Variants in SLC66A2 observed in about 807,000 individuals in gnomAD.
SLC66A2 encodes the protein solute carrier family 66 member 2, also known as PQ loop repeat containing 1.
In SLC66A2, 23 loss-of-function variants were observed where a neutral mutation model predicts 25.5. That is an observed-to-expected ratio of 0.90 (90% CI 0.65 to 1.28). The LOEUF (loss-of-function observed/expected upper bound fraction) is 1.28. Ranked by LOEUF, SLC66A2 falls within the 50% of genes most tolerant of loss-of-function variation. The probability of loss-of-function intolerance (pLI) is 0.00; values close to 1 mark genes in which losing one functional copy is unlikely to be tolerated. For missense variants in SLC66A2, 396 were observed against 373.1 expected, an observed-to-expected ratio of 1.06 and a Z score of -0.51; for synonymous variants, 193 against 166.5, an observed-to-expected ratio of 1.16 and a Z score of -1.23.
chr18:79,943,093 T>C (rs1987831238), intron 3 of SLC66A2, among the ~76,000 whole-genome samples: 1 of 152,228 alleles, frequency 6.6e-6, no homozygotes, highest in African/African-American at 2.4e-5. Context: ...CGTGAAGATG[T>C]GTTGAGGCCT....
chr18:79,914,919 T>C (rs1367599342), intron 5 of SLC66A2, among the ~76,000 whole-genome samples: 1 of 152,234 alleles, frequency 6.6e-6, no homozygotes, highest in Non-Finnish European at 1.5e-5. Flanking sequence ...AGGCAGCTGC[T>C]GGGCCTCCAG....
chr18:79,930,992 G>C (rs1260973872), intron 4 of SLC66A2, among the ~76,000 whole-genome samples: 1 of 152,168 alleles, frequency 6.6e-6, no homozygotes, highest in Non-Finnish European at 1.5e-5. Context: ...CTGGAATTAA[G>C]TTAGTATAAA....
At chr18:79,915,304 C>T in intron 5 of SLC66A2, 1 of 152,514 alleles carries the variant, frequency 6.6e-6, no homozygotes. Context: ...TCCGCATCCC[C>T]CCAGGGCCCG....
Position 79,928,720 on chromosome 18 carries a change from C to G in SLC66A2, c.391+5249G>C, listed in dbSNP as rs370768984. Among the ~76,000 whole-genome samples, 589 of 152,252 alleles carry G rather than the reference C, an allele frequency of 3.9e-3. 4 individuals are homozygous for G. Among genetic ancestry groups the G allele is most frequent in the African/African-American group, 0.013 (553 of 41,534 alleles). Reference sequence around the variant, plus strand: ...AACCGAGAAGACAGGCTCCCTCTCCCCCAGTGCCACTGCAGCAGTGGCGGG... The same window carrying G: ...AACCGAGAAGACAGGCTCCCTCTCCGCCAGTGCCACTGCAGCAGTGGCGGG... On this transcript the variant is annotated intron_variant, in intron 4 of 5. Coordinates refer to ENST00000397778, the MANE Select transcript of SLC66A2 (RefSeq NM_025078.5).
chr18:79,940,782 C>T lies in SLC66A2; in HGVS notation c.337+2547G>A, dbSNP rs754517996. 1.3e-5 allele frequency among the ~76,000 whole-genome samples: 2 copies of T among 152,148 alleles called. No homozygotes were observed. Among genetic ancestry groups the T allele is most frequent in the Non-Finnish European group, 2.9e-5 (2 of 68,016 alleles). ...GACGTGGACATGTATAAACTCAAACCGGACTCCAATATTAAGAGTGCTGCA... is the reference window on the plus strand; with the variant it reads ...GACGTGGACATGTATAAACTCAAACTGGACTCCAATATTAAGAGTGCTGCA... On this transcript the variant is annotated intron_variant, in intron 3 of 5. Coordinates refer to ENST00000397778, the MANE Select transcript of SLC66A2 (RefSeq NM_025078.5). This position sits in a 1 kb window ranked among gnomAD's most constrained non-coding sequence, Gnocchi z 4.1.
chr18:79,936,340 C>T (rs965590847), intron 3 of SLC66A2, among the ~76,000 whole-genome samples: 1 of 152,218 alleles, frequency 6.6e-6, no homozygotes, highest in African/African-American at 2.4e-5. Context: ...CCTGAAAATG[C>T]ATGCAAGATG....
At chr18:79,938,160 G>A (rs199900224) in intron 3 of SLC66A2, among the ~76,000 whole-genome samples, 1 of 144,106 alleles carries the variant, frequency 6.9e-6, no homozygotes, top group African/African-American at 2.6e-5. Context: ...AAAAAAAAAA[G>A]AAAGAAAGAA....
intron 1 of SLC66A2, among the ~76,000 whole-genome samples, chr18:79,951,228 C>G (rs1028675177): frequency 2.6e-5 from 4 of 151,730 alleles, no homozygotes; most frequent in African/African-American, 2.4e-5. Flanking sequence ...GGGGAGGGGT[C>G]CCAGCGCCGG....
At position 79,950,940 on chromosome 18, in the gene SLC66A2, T is replaced by C; in HGVS notation, c.-14A>G. 1.3e-6 allele frequency: 2 copies of C among 1,525,910 alleles called. No individual in the cohort carries two copies. Among genetic ancestry groups the C allele is most frequent in the African/African-American group, 1.4e-5 (1 of 71,662 alleles). The allele number at this position is 1,525,910 out of a possible 1,614,324, so 94.5% of individuals were successfully genotyped here. A position where few individuals can be genotyped will look rare whatever the true frequency, so the allele number is the denominator to read the frequency against. ...CTCGGCCTCCATCGCAGCGCCCGCC[T>C]GGCCGAGGCTGTCACGGGCTCCGCG... On this transcript the variant is annotated 5_prime_UTR_variant, in exon 2 of 6. Transcript: ENST00000397778.
chr18:79,924,442 G>C (rs1208676397), intron 4 of SLC66A2, among the ~76,000 whole-genome samples: 1 of 152,204 alleles, frequency 6.6e-6, no homozygotes, highest in Non-Finnish European at 1.5e-5. Flanking sequence ...TTGGGGAAAA[G>C]AAGGAAACTG....
At chr18:79,943,940 T>C in intron 2 of SLC66A2, 1 of 170,442 alleles carries the variant, frequency 5.9e-6, no homozygotes. Flanking sequence ...ACTCCCCCTC[T>C]CCCAGGCCCC....
At position 79,903,882 on chromosome 18, in the gene SLC66A2, C is replaced by G; in HGVS notation, c.*94G>C. 8.4e-7 allele frequency: 1 copy of G among 1,185,776 alleles called. No homozygotes were observed. The highest frequency in any genetic ancestry group is 1.2e-6 in the Non-Finnish European group (1 of 852,160). 73.5% of individuals were successfully genotyped at this position (1,185,776 alleles called of 1,614,324 possible). A position where few individuals can be genotyped will look rare whatever the true frequency, so the allele number is the denominator to read the frequency against. On this transcript the variant is annotated 3_prime_UTR_variant, in exon 6 of 6. Transcript: ENST00000397778. ...ATGCCCATGCCCCATCTCTGCCACACCTGCAGGGGCCACAGCACCCACCCT... is the reference window on the plus strand; with the variant it reads ...ATGCCCATGCCCCATCTCTGCCACAGCTGCAGGGGCCACAGCACCCACCCT...
chr18:79,922,958 G>A (rs1985443598), intron 4 of SLC66A2, among the ~76,000 whole-genome samples: 2 of 151,772 alleles, frequency 1.3e-5, no homozygotes, highest in African/African-American at 4.8e-5. Flanking sequence ...GCCAGGCTGT[G>A]CACCTTCTCC....
At chr18:79,919,465 G>A (rs1984723050) in intron 4 of SLC66A2, 65 bp from the exon 5 acceptor site, 1 of 1,407,898 alleles carries the variant, frequency 7.1e-7, no homozygotes, top group Non-Finnish European at 1.0e-6. Context: ...CAAGGTCAGT[G>A]GGGAGAGACG....
intron 2 of SLC66A2, among the ~76,000 whole-genome samples, chr18:79,947,732 G>C (rs952100535): frequency 1.3e-5 from 2 of 150,860 alleles, no homozygotes; most frequent in Admixed American, 6.6e-5. Context: ...TGCATCCCGC[G>C]TGTCACTTCT....
chr18:79,930,285 G>A (rs1028040187), intron 4 of SLC66A2: 1 of 151,932 alleles, frequency 6.6e-6, no homozygotes, highest in African/African-American at 2.4e-5. Flanking sequence ...GGAGTCCAGA[G>A]GGCAGTGGAA....
Position 79,903,212 on chromosome 18 carries a change from C to T in SLC66A2, c.*764G>A, listed in dbSNP as rs1981485449. 6.6e-6 allele frequency: 1 copy of T among 152,412 alleles called. No individual in the cohort carries two copies. The highest frequency in any genetic ancestry group is 2.4e-5 in the African/African-American group (1 of 41,472). The allele number at this position is 152,412 out of a possible 1,614,324, so 9.4% of individuals were successfully genotyped here. On this transcript the variant is annotated 3_prime_UTR_variant, in exon 6 of 6. Transcript: ENST00000397778. The stretch of plus-strand genomic sequence containing the variant: ...TCAGCCCGGCCCCCTCAGCCATTGC[C>T]CATGAGGGCCTCCACGTTGTCTGAT...
chr18:79,917,823 C>T lies in SLC66A2; in HGVS notation c.608+1361G>A, dbSNP rs530896045. On this transcript the variant is annotated intron_variant, in intron 5 of 5. Coordinates refer to ENST00000397778, the MANE Select transcript of SLC66A2 (RefSeq NM_025078.5). The surrounding 1 kb of genome is among the most constrained non-coding windows in gnomAD (Gnocchi z 6.0). ...ACACCAACCAGGGCAGCCCAATCCCCACCTGCACCCCACACCACACCCCAA... is the reference window on the plus strand; with the variant it reads ...ACACCAACCAGGGCAGCCCAATCCCTACCTGCACCCCACACCACACCCCAA... 6.6e-6 allele frequency among the ~76,000 whole-genome samples: 1 copy of T among 151,908 alleles called. No individual in the cohort carries two copies. Among genetic ancestry groups the T allele is most frequent in the Non-Finnish European group, 1.5e-5 (1 of 67,944 alleles).
rs1490838894 is a variant in SLC66A2, at chr18:79,926,476, C to T, written c.392-7076G>A. 2.6e-5 allele frequency among the ~76,000 whole-genome samples: 4 copies of T among 152,010 alleles called. No individual in the cohort carries two copies. The East Asian group carries it at 5.8e-4, about 22-fold the overall frequency. Reference sequence around the variant, plus strand: ...AACTGCCATGCAACAAGAACCTGGGCACATCAGACCCCTGCAGGCACCCTC... The same window carrying T: ...AACTGCCATGCAACAAGAACCTGGGTACATCAGACCCCTGCAGGCACCCTC... On this transcript the variant is annotated intron_variant, in intron 4 of 5. Transcript: ENST00000397778.
Sources: gnomAD v4.1 joint callset for allele counts (sites outside exome capture counted in the v4.1 genomes callset) on GRCh38, gnomAD v4.1.1 for gene constraint, Gnocchi (gnomAD v3.1) non-coding constraint, MANE v1.5 for transcripts, NCBI Gene and HGNC (gene_info 2026-07-23, HGNC 2026-07-21) for gene names.